The following SP4 variants were observed in gnomAD, a reference collection of about 807,000 sequenced individuals.
The protein encoded by SP4 is Sp4 transcription factor, also known as transcription factor Sp4.
A neutral mutation model predicts 72.8 loss-of-function variants in SP4; 19 were observed. That is an observed-to-expected ratio of 0.26 (90% confidence interval 0.18 to 0.38). The LOEUF (loss-of-function observed/expected upper bound fraction) is 0.38, where lower values mean the gene tolerates loss of function less well. Among genes scored for constraint, SP4 ranks in the 10% least tolerant of loss-of-function variants. The pLI is 1.00. For missense variants in SP4, 1,008 were observed against 926.3 expected (o/e 1.09, Z -1.14); for synonymous variants, 395 against 333.1 (o/e 1.19, Z -2.02).
rs752972441 is a variant in SP4 at position 21,428,744 on chromosome 7, C to A, written c.75C>A (p.Thr25=). 26 of 1,553,354 alleles carry A rather than the reference C, an allele frequency of 1.7e-5. No homozygotes were observed. The highest frequency in any genetic ancestry group is 2.3e-5 in the Non-Finnish European group (26 of 1,148,078). ...CGATGGCTACAGAAGGAGGGAAAAC[C>A]TCTGAGCCAGAGAATAACAATAAAA... ...AAAMATEGGK[T]SEPENNNKKP... is the part of the protein sequence containing the mutation. The change falls in exon 2 of 6, where the codon ACC becomes ACA. Residue 25 remains threonine, a synonymous_variant. Transcript: ENST00000222584.
At chr7:21,432,668 C>T (rs1782904179) in intron 3 of SP4, among the ~76,000 whole-genome samples, 1 of 152,126 alleles carries the variant, frequency 6.6e-6, no homozygotes, top group Non-Finnish European at 1.5e-5. Flanking sequence ...AAGGGATTTG[C>T]CTTTCAAACA....
At chr7:21,463,013 A>G (rs937568894) in intron 3 of SP4, among the ~76,000 whole-genome samples, 18 of 152,194 alleles carry the variant, frequency 1.2e-4, no homozygotes, top group Non-Finnish European at 2.6e-4. Context: ...ACTACATTTA[A>G]AGTGCTAATT....
At chr7:21,449,572 CGT>C (rs1278867966) in intron 3 of SP4, among the ~76,000 whole-genome samples, 1 of 151,906 alleles carries the variant, frequency 6.6e-6, no homozygotes, top group African/African-American at 2.4e-5. Context: ...TTTAAGTATA[CGT>C]GTGTGTATAT....
intron 3 of SP4, among the ~76,000 whole-genome samples, chr7:21,458,279 G>T (rs922885728): frequency 6.6e-6 from 1 of 152,090 alleles, no homozygotes; most frequent in South Asian, 2.1e-4. Context: ...TGCAAACTCC[G>T]CCTCCTGGGT....
At position 21,513,794 on chromosome 7, in the gene SP4, C is replaced by T. The variant is rs902715095; in HGVS notation, c.*2525C>T. ...AAATTTATCAGATGAATCTAGATAG[C>T]TTTATAGCATATAAAATATGTTAAT... On this transcript the variant is annotated 3_prime_UTR_variant, in exon 6 of 6. Transcript: ENST00000222584. 1.1e-4 allele frequency: 17 copies of T among 152,104 alleles called. No homozygotes were observed. Among genetic ancestry groups the T allele is most frequent in the African/African-American group, 4.1e-4 (17 of 41,414 alleles). The allele number at this position is 152,104 out of a possible 1,614,324, so 9.4% of individuals were successfully genotyped here.
chr7:21,447,285 T>C (rs1050442842), intron 3 of SP4, among the ~76,000 whole-genome samples: 1 of 152,178 alleles, frequency 6.6e-6, no homozygotes, highest in African/African-American at 2.4e-5. Flanking sequence ...CCCAATACTT[T>C]ATACCAAAGA....
At chr7:21,476,335 AT>A (rs1298555396) in intron 3 of SP4, among the ~76,000 whole-genome samples, 4 of 151,238 alleles carry the variant, frequency 2.6e-5, no homozygotes, top group Admixed American at 2.6e-4. Context: ...ATGCCAATAG[AT>A]TTTTTTATTG....
chr7:21,507,613 G>T (rs1782032509), intron 5 of SP4, among the ~76,000 whole-genome samples: 1 of 152,130 alleles, frequency 6.6e-6, no homozygotes, highest in African/African-American at 2.4e-5. Flanking sequence ...TGAGGTTGGG[G>T]TTTTATTATT....
chr7:21,488,881 G>C (rs1427447377), intron 5 of SP4, among the ~76,000 whole-genome samples: 2 of 152,168 alleles, frequency 1.3e-5, no homozygotes, highest in Admixed American at 6.5e-5. Context: ...TGTTAATATA[G>C]TGTACTTTGT....
intron 3 of SP4, among the ~76,000 whole-genome samples, chr7:21,432,200 T>TCATCTA (rs1421695875): frequency 3.3e-5 from 5 of 152,216 alleles, no homozygotes; most frequent in African/African-American, 1.2e-4. Context: ...GCAAGGACAG[T>TCATCTA]CATCTAGTTA....
At chr7:21,442,165 A>G (rs1343817158) in intron 3 of SP4, among the ~76,000 whole-genome samples, 1 of 151,094 alleles carries the variant, frequency 6.6e-6, no homozygotes, top group East Asian at 2.0e-4. Context: ...CAGCCTCCCA[A>G]GTAGCTGAGA....
Position 21,471,394 on chromosome 7 carries a change from T to C in SP4, c.1679-5685T>C, listed in dbSNP as rs73685142. 3.3e-3 allele frequency among the ~76,000 whole-genome samples: 498 copies of C among 152,336 alleles called. 2 individuals carry two copies. Among genetic ancestry groups the C allele is most frequent in the African/African-American group, 0.011 (446 of 41,582 alleles). On this transcript the variant is annotated intron_variant, in intron 3 of 5. Coordinates refer to ENST00000222584, the MANE Select transcript of SP4 (RefSeq NM_003112.5). Reference sequence around the variant, plus strand: ...AAGAGGTAGACTTAACAGGGACTTATGATCAACATAGATAATGTATATGGT... The same window carrying C: ...AAGAGGTAGACTTAACAGGGACTTACGATCAACATAGATAATGTATATGGT...
chr7:21,469,118 T>C (rs1482135094), intron 3 of SP4, among the ~76,000 whole-genome samples: 1 of 152,194 alleles, frequency 6.6e-6, no homozygotes, highest in Non-Finnish European at 1.5e-5. Context: ...GAAATAAATA[T>C]CTAACAGTAC....
In SP4 at chr7:21,428,707, C is replaced by T. The variant is rs1782717761; in HGVS notation, c.38C>T (p.Ala13Val). The change falls in exon 2 of 6, where the codon GCA (alanine) becomes GTA (valine). Residue 13 changes from alanine (A) to valine (V), a missense_variant. Coordinates refer to ENST00000222584, the MANE Select transcript of SP4 (RefSeq NM_003112.5). ...AAGAAGGAGGAGGAGGAGGAGGCGG[C>T]AGCGGCAGCGGCGATGGCTACAGAA... The part of the protein sequence containing the change: ...DQKKEEEEEA[A>V]AAAAMATEGG... The T allele has an allele frequency of 3.2e-6, 5 of 1,554,336 alleles. No homozygotes were observed. Among genetic ancestry groups the T allele is most frequent in the Non-Finnish European group, 3.5e-6 (4 of 1,148,456 alleles).
chr7:21,500,498 G>A (rs185324267), intron 5 of SP4, among the ~76,000 whole-genome samples: 5 of 152,298 alleles, frequency 3.3e-5, no homozygotes, highest in African/African-American at 9.6e-5. Context: ...CAAGGCTTTG[G>A]CAGGACTGCA....
At chr7:21,497,743 A>G (rs1781758259) in intron 5 of SP4, among the ~76,000 whole-genome samples, 1 of 152,240 alleles carries the variant, frequency 6.6e-6, no homozygotes, top group African/African-American at 2.4e-5. Context: ...TGATGTAGTC[A>G]TCTATTTATA....
chr7:21,428,804 CA>C lies in SP4; in HGVS notation c.123+15del. Reference sequence around the variant, plus strand: ...CCTCAGGCTCCCAGGTAAAAGCAAACAAATTAAAAAAATTCATCACGACACA... The same window carrying C: ...CCTCAGGCTCCCAGGTAAAAGCAAACAATTAAAAAAATTCATCACGACACA... On this transcript the variant is annotated intron_variant, in intron 2 of 5. Coordinates refer to ENST00000222584, the MANE Select transcript of SP4 (RefSeq NM_003112.5). 1.9e-6 allele frequency: 3 copies of C among 1,541,404 alleles called. No individual in the cohort carries two copies. Among genetic ancestry groups the C allele is most frequent in the Non-Finnish European group, 2.6e-6 (3 of 1,143,030 alleles).
intron 4 of SP4, among the ~76,000 whole-genome samples, chr7:21,479,935 AT>A (rs1480641519): frequency 6.6e-6 from 1 of 152,126 alleles, no homozygotes; most frequent in African/African-American, 2.4e-5. Context: ...TAATGTATTA[AT>A]CTTTTATCCT....
chr7:21,432,006 C>G (rs964603500), intron 3 of SP4, among the ~76,000 whole-genome samples: 1 of 152,278 alleles, frequency 6.6e-6, no homozygotes, highest in Middle Eastern at 3.4e-3. Flanking sequence ...TATTTTTTAT[C>G]TAGATACCAG....
Sources: gnomAD v4.1 joint callset for allele counts (sites outside exome capture counted in the v4.1 genomes callset) on GRCh38, gnomAD v4.1.1 for gene constraint, MANE v1.5 for transcripts, NCBI Gene and HGNC (gene_info 2026-07-23, HGNC 2026-07-21) for gene names.